ABCA2: variants seen among roughly 807,000 people sequenced by gnomAD.
The protein encoded by ABCA2 is ATP binding cassette subfamily A member 2.
A neutral mutation model predicts 262.8 loss-of-function variants in ABCA2; 84 were observed. The observed-to-expected ratio is 0.32, with a 90% CI of 0.27 to 0.38. ABCA2 has a LOEUF of 0.38. Ranked by LOEUF, ABCA2 falls within the 10% of genes least tolerant of loss-of-function variation. The pLI is 1.00. For synonymous variants in ABCA2, 1,696 were observed against 1,502.9 expected, an observed-to-expected ratio of 1.13 and a Z score of -2.97; for missense variants, 2,662 against 3,405.9, an observed-to-expected ratio of 0.78 and a Z score of 5.44.
chr9:137,011,349 G>A lies in ABCA2; in HGVS notation c.5800-40C>T, dbSNP rs755559299. ...GGGTCAGGGGCACAGGGGTGGCCGG[G>A]GTGAGGGGCACAGCCTCCGCAGGGT... On this transcript the variant is annotated intron_variant, in intron 37 of 48. Coordinates refer to ENST00000341511, the MANE Select transcript of ABCA2 (RefSeq NM_001606.5). This position sits in a 1 kb window ranked among gnomAD's most constrained non-coding sequence, Gnocchi z 8.8. 5 of 1,604,110 alleles carry A rather than the reference G, an allele frequency of 3.1e-6. No homozygotes were observed. Among genetic ancestry groups the A allele is most frequent in the Admixed American group, 1.7e-5 (1 of 59,454 alleles).
intron 1 of ABCA2, among the ~76,000 whole-genome samples, chr9:137,024,455 G>A (rs1185684650): frequency 6.6e-6 from 1 of 152,202 alleles, no homozygotes; most frequent in East Asian, 1.9e-4. Context: ...CCCGTCCCCA[G>A]CCCACACTGG....
intron 5 of ABCA2, 78 bp downstream of exon 5, chr9:137,022,624 G>A: frequency 6.4e-7 from 1 of 1,564,464 alleles, no homozygotes. Flanking sequence ...GGGGCCCAGA[G>A]TGGATGTGGG....
chr9:137,007,810 C>T lies in ABCA2; in HGVS notation c.*119G>A. ...GCTGGAGGACCAGAAGCCCCTTGGT[C>T]CTGAACCTCCACTCCAGGCCCTGGC... is the stretch of plus-strand genomic sequence containing the variant. On this transcript the variant is annotated 3_prime_UTR_variant, in exon 49 of 49. Transcript: ENST00000341511. 7.1e-7 allele frequency: 1 copy of T among 1,407,722 alleles called. No homozygotes were observed. The highest frequency in any genetic ancestry group is 1.2e-5 in the South Asian group (1 of 81,714). 87.2% of individuals were successfully genotyped at this position (1,407,722 alleles called of 1,614,324 possible).
chr9:137,015,501 C>T lies in ABCA2; in HGVS notation c.3610G>A (p.Gly1204Ser), dbSNP rs1035607373. The change falls in exon 24 of 49, where the codon GGC (glycine) becomes AGC (serine). Residue 1204 changes from glycine to serine, a missense_variant. Gly to Ser is a moderately conservative substitution (Grantham distance 56, BLOSUM62 0). This residue lies in a region of ABCA2 where 180 missense variants were observed against 307.3 expected (regional missense o/e 0.59). Coordinates refer to ENST00000341511, the MANE Select transcript of ABCA2 (RefSeq NM_001606.5). Reference sequence around the variant, plus strand: ...GTGCCCTTGAGGAAGAGCGGGGAGCCGCAGCACTTGAGCTTCCCATGGGAG... The same window carrying T: ...GTGCCCTTGAGGAAGAGCGGGGAGCTGCAGCACTTGAGCTTCCCATGGGAG... ...IISHGKLKCC[G>S]SPLFLKGTYG... 3.1e-6 allele frequency: 5 copies of T among 1,611,746 alleles called. No homozygotes were observed. Among genetic ancestry groups the T allele is most frequent in the East Asian group, 2.2e-5 (1 of 44,838 alleles).
rs1564215517 is a variant in ABCA2 at position 137,012,720 on chromosome 9, T to A, written c.5073A>T (p.Arg1691=). ...CTCCCCACCCAGCTCACCGGTGCAG[T>A]CGGAAGCGGTCGGAGGTGAAGAGCA... is the stretch of plus-strand genomic sequence containing the variant. ...EYLLFTSDRF[R]LHRYGAITFG... Residue 1691 remains arginine (R), a synonymous_variant, in exon 31 of 49, where the codon CGA becomes CGT. Coordinates refer to ENST00000341511, the MANE Select transcript of ABCA2 (RefSeq NM_001606.5). 6.2e-7 allele frequency: 1 copy of A among 1,612,378 alleles called. No homozygotes were observed. The highest frequency in any genetic ancestry group is 8.5e-7 in the Non-Finnish European group (1 of 1,179,778).
chr9:137,014,912 C>T lies in ABCA2; in HGVS notation c.3882+1G>A. On this transcript the variant is annotated splice_donor_variant, in intron 25 of 48. Transcript: ENST00000341511. LOFTEE classifies it high-confidence loss of function. The stretch of plus-strand genomic sequence containing the variant: ...GCCCCCCGACCCGTGCGCCCTCACA[C>T]CTGGAAGAGGCGCTCGAAAGCCCCC... 6.4e-7 allele frequency: 1 copy of T among 1,574,610 alleles called. No homozygotes were observed. Among genetic ancestry groups the T allele is most frequent in the Non-Finnish European group, 8.6e-7 (1 of 1,157,170 alleles).
intron 1 of ABCA2, among the ~76,000 whole-genome samples, chr9:137,026,052 G>T (rs1348009601): frequency 6.6e-6 from 1 of 152,192 alleles, no homozygotes; most frequent in Admixed American, 6.5e-5. Context: ...GTGTCGGGGG[G>T]AGAACAGGTG....
chr9:137,028,338 A>G (rs1831734405), upstream of ABCA2: 5 of 897,944 alleles, frequency 5.6e-6, no homozygotes, highest in Non-Finnish European at 6.6e-6. This position sits in a 1 kb window ranked among gnomAD's most constrained non-coding sequence, Gnocchi z 6.9. Flanking sequence ...GCCCCCGCTT[A>G]AAGGCGCCGC....
chr9:137,015,623 G>T, intron 23 of ABCA2, 27 bp from the exon 24 acceptor site: 1 of 1,611,810 alleles, frequency 6.2e-7, no homozygotes, highest in Non-Finnish European at 8.5e-7. Context: ...CCCAGGGTCA[G>T]GGGGCAGGGG....
At position 137,016,998 on chromosome 9, in the gene ABCA2, G is replaced by A. The variant is rs759443506; in HGVS notation, c.2680C>T (p.Leu894Phe). The change falls in exon 19 of 49, where the codon CTC becomes TTC. Residue 894 changes from leucine to phenylalanine, a missense_variant. Physicochemically the swap from Leu to Phe is conservative, Grantham distance 22. Around this residue, in one of 12 missense-constraint regions of ABCA2, gnomAD observed 188 missense variants for 343.4 expected, o/e 0.55. Coordinates refer to ENST00000341511, the MANE Select transcript of ABCA2 (RefSeq NM_001606.5). ...ACCATCAGCATGGTGACAGCCAGGA[G>A]CAAGTTGAAGTCGTCCCCCTCCACC... ...SPVEGDDFNLLLAVTMLMVDA... is the reference protein window; with the variant it reads ...SPVEGDDFNLFLAVTMLMVDA... 3 of 1,612,832 alleles carry A rather than the reference G, an allele frequency of 1.9e-6. No homozygotes were observed. The highest frequency in any genetic ancestry group is 1.1e-5 in the South Asian group (1 of 91,090).
In ABCA2 at chr9:137,008,520, G is replaced by T. The variant is rs1439192183; in HGVS notation, c.7171C>A (p.Leu2391Ile). 1 of 1,594,178 alleles carries T rather than the reference G, an allele frequency of 6.3e-7. No homozygotes were observed. The highest frequency in any genetic ancestry group is 1.7e-5 in the Admixed American group (1 of 57,536). ...QSPLGCLLSL[L>I]RPRSAPTELR... ...TCCGTGGGGGCAGACCGGGGCCGGA[G>T]CAGGCTGAGCAAGCAGCCGAGAGGG... The change falls in exon 48 of 49, where the codon CTC becomes ATC. Residue 2391 changes from leucine (L) to isoleucine (I), a missense_variant. Leu to Ile is a conservative substitution (Grantham distance 5). This residue lies in a region of ABCA2 where 212 missense variants were observed against 214.4 expected (regional missense o/e 0.99). Transcript: ENST00000341511.
rs183087172 is a variant in ABCA2 at position 137,007,706 on chromosome 9, C to T, written c.*223G>A. 2.3e-3 allele frequency: 1,453 copies of T among 641,248 alleles called. 20 individuals are homozygous for T. The highest frequency in any genetic ancestry group is 0.019 in the South Asian group (1,050 of 54,602). 39.7% of individuals were successfully genotyped at this position (641,248 alleles called of 1,614,324 possible). On this transcript the variant is annotated 3_prime_UTR_variant, in exon 49 of 49. Transcript: ENST00000341511. ...TAAGGCAAAGCAGGGCAAGGGTGTA[C>T]GCAGCCCGGGCCGGGTCAGCCTTTG...
At position 137,024,240 on chromosome 9, in the gene ABCA2, G is replaced by C; in HGVS notation, c.67-4C>G. 6.2e-7 allele frequency: 1 copy of C among 1,606,890 alleles called. No homozygotes were observed. The highest frequency in any genetic ancestry group is 8.5e-7 in the Non-Finnish European group (1 of 1,176,782). On this transcript the variant is annotated splice_polypyrimidine_tract_variant and splice_region_variant and intron_variant, in intron 1 of 48. Transcript: ENST00000341511. ...AGATCTCGAAGGCCAGGACCCACTG[G>C]AAAGGGTGGGCCCAGTGAGGGATAG...
chr9:137,022,300 G>A lies in ABCA2; in HGVS notation c.567+51C>T, dbSNP rs1206512605. 4 of 1,533,838 alleles carry A rather than the reference G, an allele frequency of 2.6e-6. No homozygotes were observed. The East Asian group carries it at 9.3e-5, about 35-fold the overall frequency. ...GAGGATGGCTCAGCAACCAGGGGGC[G>A]TGGCTGGGGCAGAAGGGAGTGGCCA... On this transcript the variant is annotated intron_variant, in intron 6 of 48. Transcript: ENST00000341511.
chr9:137,011,890 C>T lies in ABCA2; in HGVS notation c.5489G>A (p.Gly1830Asp), dbSNP rs755104432. The change falls in exon 35 of 49, where the codon GGC becomes GAC. Residue 1830 changes from glycine (G) to aspartate (D), a missense_variant. By Grantham distance (94) the Gly-to-Asp change is moderately conservative. Coordinates refer to ENST00000341511, the MANE Select transcript of ABCA2 (RefSeq NM_001606.5). This position sits in a 1 kb window ranked among gnomAD's most constrained non-coding sequence, Gnocchi z 8.8. ...TKAKHLQFVS[G>D]CNPIIYWLAN... is the part of the protein sequence containing the mutation. Reference sequence around the variant, plus strand: ...CAGCCAGTAGATGATGGGGTTGCAGCCGCTGACAAACTGCAGGTGCTTGGC... The same window carrying T: ...CAGCCAGTAGATGATGGGGTTGCAGTCGCTGACAAACTGCAGGTGCTTGGC... 1 of 1,611,096 alleles carries T rather than the reference C, an allele frequency of 6.2e-7. No individual in the cohort carries two copies. Among genetic ancestry groups the T allele is most frequent in the African/African-American group, 1.3e-5 (1 of 75,002 alleles).
chr9:137,017,370 A>C, intron 17 of ABCA2, 24 bp from the exon 18 acceptor site: 1 of 1,610,666 alleles, frequency 6.2e-7, no homozygotes, highest in Non-Finnish European at 8.5e-7. Flanking sequence ...GGCCACGCGC[A>C]CCGTCATCCA....
rs1364369899 is a variant in ABCA2 at position 137,021,515 on chromosome 9, C to T, written c.774G>A (p.Lys258=). 2.5e-6 allele frequency: 4 copies of T among 1,605,342 alleles called. No homozygotes were observed. Among genetic ancestry groups the T allele is most frequent in the South Asian group, 1.1e-5 (1 of 89,886 alleles). Residue 258 remains lysine, a synonymous_variant, in exon 8 of 49, where the codon AAG becomes AAA. Coordinates refer to ENST00000341511, the MANE Select transcript of ABCA2 (RefSeq NM_001606.5). The surrounding 1 kb of genome is among the most constrained non-coding windows in gnomAD (Gnocchi z 6.0). The stretch of plus-strand genomic sequence containing the variant: ...CATCCCGGTAGCCCTGCAGGGCTCC[C>T]TTCTGACTCTCAGGCACAGTGAGGA... ...GRILTVPESQ[K]GALQGYRDAV...
Position 137,026,532 on chromosome 9 carries a change from G to A in ABCA2, c.66+1543C>T, listed in dbSNP as rs2131476864. On this transcript the variant is annotated intron_variant, in intron 1 of 48. Transcript: ENST00000341511. Reference sequence around the variant, plus strand: ...CCCACCTGCTCCAGCCATGGGCTAAGGACCTCCACTGTGGCCCAGTGGGCC... The same window carrying A: ...CCCACCTGCTCCAGCCATGGGCTAAAGACCTCCACTGTGGCCCAGTGGGCC... 2.0e-5 allele frequency among the ~76,000 whole-genome samples: 3 copies of A among 152,320 alleles called. No homozygotes were observed. The South Asian group carries it at 6.2e-4, about 32-fold the overall frequency.
rs767757733 is a variant in ABCA2, at chr9:137,021,035, C to T, written c.924G>A (p.Ser308=). The part of the protein sequence containing the change: ...QQLGLDAPNG[S]DSSPQAPPPR... ...GGGGTGGCGCCTGTGGCGAGGAGTC[C>T]GAGCCGTTGGGGGCATCCAGGCCCA... The change falls in exon 9 of 49, where the codon TCG becomes TCA. Residue 308 remains serine, a synonymous_variant. Transcript: ENST00000341511. This position sits in a 1 kb window ranked among gnomAD's most constrained non-coding sequence, Gnocchi z 6.0. The T allele has an allele frequency of 5.2e-5, 77 of 1,482,096 alleles. No individual in the cohort carries two copies. Among genetic ancestry groups the T allele is most frequent in the South Asian group, 3.0e-4 (22 of 73,498 alleles). The allele number at this position is 1,482,096 out of a possible 1,614,324, so 91.8% of individuals were successfully genotyped here. A position where few individuals can be genotyped will look rare whatever the true frequency, so the allele number is the denominator to read the frequency against.
Sources: allele counts gnomAD v4.1 joint callset (sites outside exome capture counted in the v4.1 genomes callset), GRCh38; gene constraint gnomAD v4.1.1; regional missense constraint gnomAD v4.1.1; non-coding constraint Gnocchi (gnomAD v3.1); transcripts MANE v1.5; gene names NCBI Gene and HGNC (gene_info 2026-07-23, HGNC 2026-07-21).